Variants in ZNF423 observed in about 807,000 individuals in gnomAD.
ZNF423 encodes the protein Ebf-associated zinc finger protein.
A neutral mutation model predicts 95.8 loss-of-function variants in ZNF423; 12 were observed. That is an observed-to-expected ratio of 0.13 (90% CI 0.08 to 0.20). The LOEUF is 0.20. Among genes scored for constraint, ZNF423 ranks in the 10% least tolerant of loss-of-function variants. The probability of loss-of-function intolerance (pLI) is 1.00; values close to 1 mark genes in which losing one functional copy is unlikely to be tolerated. For missense variants in ZNF423, 1,316 were observed against 1,737.1 expected, an observed-to-expected ratio of 0.76 and a Z score of 4.31; for synonymous variants, 749 against 711.9, an observed-to-expected ratio of 1.05 and a Z score of -0.83.
intron 5 of ZNF423, among the ~76,000 whole-genome samples, chr16:49,559,234 G>A (rs1440936713): frequency 1.3e-5 from 2 of 152,266 alleles, no homozygotes; most frequent in African/African-American, 4.8e-5. Flanking sequence ...AAGGGGCAAA[G>A]CCCTGGGATA....
chr16:49,590,402 G>T (rs985976490), intron 5 of ZNF423, among the ~76,000 whole-genome samples: 9 of 152,086 alleles, frequency 5.9e-5, no homozygotes, highest in Admixed American at 3.9e-4. Flanking sequence ...TTCAAGACAT[G>T]CAGGCATCAC....
At chr16:49,548,772 C>G (rs531911428) in intron 5 of ZNF423, among the ~76,000 whole-genome samples, 98 of 152,292 alleles carry the variant, frequency 6.4e-4, no homozygotes, top group African/African-American at 2.1e-3. Flanking sequence ...GAAAAGTTTC[C>G]CAAGAGCGCT....
chr16:49,622,844 G>A (rs1972129973), intron 5 of ZNF423, among the ~76,000 whole-genome samples: 1 of 152,236 alleles, frequency 6.6e-6, no homozygotes, highest in Non-Finnish European at 1.5e-5. Flanking sequence ...GAAAGGCTGA[G>A]TCAGTAGCAG....
At chr16:49,560,846 C>T (rs1159175818) in intron 5 of ZNF423, among the ~76,000 whole-genome samples, 2 of 152,162 alleles carry the variant, frequency 1.3e-5, no homozygotes, top group Non-Finnish European at 2.9e-5. Context: ...TGGATTCTCC[C>T]CCTCCTTCTT....
intron 5 of ZNF423, among the ~76,000 whole-genome samples, chr16:49,600,768 A>G (rs1378982601): frequency 6.6e-6 from 1 of 152,120 alleles, no homozygotes; most frequent in Non-Finnish European, 1.5e-5. Flanking sequence ...TCCCTCGGCC[A>G]CAGACCCAGG....
rs201541196 is a variant in ZNF423 at position 49,525,357 on chromosome 16, C to G, written c.3733+6G>C. ...TCCCCTGAGGGGCACAAGCTGGGTA[C>G]CTTACCTGTGAAACACACGGGGCAT... On this transcript the variant is annotated splice_donor_region_variant and intron_variant, in intron 6 of 7. Transcript: ENST00000563137. 16 of 1,613,984 alleles carry G rather than the reference C, an allele frequency of 9.9e-6. No individual in the cohort carries two copies. The East Asian group carries it at 3.3e-4, about 34-fold the overall frequency.
intron 5 of ZNF423, among the ~76,000 whole-genome samples, chr16:49,593,859 G>T (rs1421652460): frequency 6.6e-6 from 1 of 152,184 alleles, no homozygotes; most frequent in African/African-American, 2.4e-5. Context: ...CTACTGAAGA[G>T]AAGACCAAGA....
At chr16:49,544,962 G>A (rs181380629) in intron 5 of ZNF423, among the ~76,000 whole-genome samples, 10 of 152,372 alleles carry the variant, frequency 6.6e-5, no homozygotes, top group East Asian at 5.8e-4. Context: ...GAGCTGAAGC[G>A]AAGCCAGCTT....
At chr16:49,655,403 C>G (rs59011969) in intron 3 of ZNF423, among the ~76,000 whole-genome samples, 4,441 of 152,258 alleles carry the variant, frequency 0.029, 91 homozygotes, top group African/African-American at 0.054. Flanking sequence ...TAAACAATCA[C>G]TAGCCTATAA....
At chr16:49,576,339 C>T (rs575993297) in intron 5 of ZNF423, among the ~76,000 whole-genome samples, 2 of 152,276 alleles carry the variant, frequency 1.3e-5, no homozygotes, top group East Asian at 1.9e-4. Context: ...CAGGTGAACT[C>T]GTGGTGGGGG....
At chr16:49,657,785 G>A (rs532925101) in intron 3 of ZNF423, among the ~76,000 whole-genome samples, 1 of 152,280 alleles carries the variant, frequency 6.6e-6, no homozygotes, top group African/African-American at 2.4e-5. Context: ...CTTGCTTCAG[G>A]CTCTGTGTTC....
At chr16:49,641,718 A>G (rs1190497401) in intron 3 of ZNF423, among the ~76,000 whole-genome samples, 1 of 152,222 alleles carries the variant, frequency 6.6e-6, no homozygotes, top group African/African-American at 2.4e-5. Flanking sequence ...ATCTGAAAAA[A>G]GGGAATCACT....
chr16:49,767,969 C>T (rs1002596993), intron 2 of ZNF423, among the ~76,000 whole-genome samples: 7 of 152,246 alleles, frequency 4.6e-5, no homozygotes, highest in Non-Finnish European at 1.0e-4. Context: ...TGAGAAATCC[C>T]CTCCTTTTCA....
At chr16:49,519,366 T>A (rs1263983019) in intron 7 of ZNF423, among the ~76,000 whole-genome samples, 1 of 152,156 alleles carries the variant, frequency 6.6e-6, no homozygotes, top group Non-Finnish European at 1.5e-5. Flanking sequence ...GACAAATATT[T>A]TGTCACATGG....
At chr16:49,814,891 G>T (rs1347568053) in intron 1 of ZNF423, among the ~76,000 whole-genome samples, 1 of 152,124 alleles carries the variant, frequency 6.6e-6, no homozygotes, top group African/African-American at 2.4e-5. Context: ...GGAGGCGACA[G>T]GAGGCGGTCA....
intron 1 of ZNF423, among the ~76,000 whole-genome samples, chr16:49,852,781 C>A (rs2035316052): frequency 6.6e-6 from 1 of 150,788 alleles, no homozygotes; most frequent in South Asian, 2.1e-4. Flanking sequence ...AGTGCCCCAA[C>A]CCCCTTCCCT....
intron 5 of ZNF423, among the ~76,000 whole-genome samples, chr16:49,579,168 G>A (rs978620012): frequency 2.0e-5 from 3 of 152,100 alleles, no homozygotes; most frequent in South Asian, 4.1e-4. Flanking sequence ...AATTCAACTC[G>A]AAGCTGGGCA....
intron 2 of ZNF423, among the ~76,000 whole-genome samples, chr16:49,746,546 C>T (rs1259569182): frequency 6.6e-6 from 1 of 152,082 alleles, no homozygotes; most frequent in African/African-American, 2.4e-5. Context: ...GGCACAATCT[C>T]GGCTCACTGC....
rs1972889508 is a variant in ZNF423, at chr16:49,639,337, C to T, written c.302-463G>A. Among the ~76,000 whole-genome samples, 4 of 152,164 alleles carry T rather than the reference C, an allele frequency of 2.6e-5. No homozygotes were observed. In the South Asian group the frequency reaches 8.3e-4, roughly 32 times the overall value. On this transcript the variant is annotated intron_variant, in intron 3 of 7. Coordinates refer to ENST00000563137, the MANE Select transcript of ZNF423 (RefSeq NM_001379286.1). The stretch of plus-strand genomic sequence containing the variant: ...CTGGAGGGAAGGAAATCCCACTGGT[C>T]CTTATGAACACAGGCAAAATTTTGC...
Sources: gnomAD v4.1 joint callset for allele counts (sites outside exome capture counted in the v4.1 genomes callset) on GRCh38, gnomAD v4.1.1 for gene constraint, MANE v1.5 for transcripts, NCBI Gene and HGNC (gene_info 2026-07-23, HGNC 2026-07-21) for gene names.